BAZ2B: variants seen among roughly 807,000 people sequenced by gnomAD.
BAZ2B encodes bromodomain adjacent to zinc finger domain 2B.
A neutral mutation model predicts 246.0 loss-of-function variants in BAZ2B; 91 were observed. That is an observed-to-expected ratio of 0.37 (90% confidence interval 0.31 to 0.44). The LOEUF (loss-of-function observed/expected upper bound fraction) is 0.44. Among genes scored for constraint, BAZ2B ranks in the 20% least tolerant of loss-of-function variants. The probability of loss-of-function intolerance (pLI) is 1.00; values close to 1 mark genes in which losing one functional copy is unlikely to be tolerated. For missense variants in BAZ2B, 2,332 were observed against 2,533.7 expected (o/e 0.92, Z 1.71); for synonymous variants, 855 against 860.0 (o/e 0.99, Z 0.10).
chr2:159,486,023 G>A (rs1008495079), intron 2 of BAZ2B, among the ~76,000 whole-genome samples: 7 of 151,836 alleles, frequency 4.6e-5, no homozygotes, highest in East Asian at 3.9e-4. Context: ...GCTATCTGTG[G>A]GGAAGACGTT....
At chr2:159,435,821 G>C (rs2072175719) in intron 8 of BAZ2B, among the ~76,000 whole-genome samples, 1 of 152,108 alleles carries the variant, frequency 6.6e-6, no homozygotes, top group African/African-American at 2.4e-5. Flanking sequence ...TAAAGCAGCA[G>C]TACTAACAAG....
At chr2:159,356,007 G>A (rs77786767) in intron 27 of BAZ2B, among the ~76,000 whole-genome samples, 3,636 of 152,298 alleles carry the variant, frequency 0.024, 150 homozygotes, top group African/African-American at 0.082. Flanking sequence ...CCAGGAGATT[G>A]CCTCCGGTGC....
intron 24 of BAZ2B, 31 bp downstream of exon 24, chr2:159,383,575 A>G (rs2062261852): frequency 6.5e-7 from 1 of 1,548,212 alleles, no homozygotes; most frequent in Non-Finnish European, 8.9e-7. Context: ...AAAAGAAAAC[A>G]GTACATTAAC....
At chr2:159,412,933 C>T (rs1306097663) in intron 13 of BAZ2B, among the ~76,000 whole-genome samples, 1 of 152,116 alleles carries the variant, frequency 6.6e-6, no homozygotes, top group Non-Finnish European at 1.5e-5. Context: ...AAACACTAAG[C>T]TACCCAAATA....
At chr2:159,598,271 C>A (rs887120475) in intron 1 of BAZ2B, among the ~76,000 whole-genome samples, 1 of 152,036 alleles carries the variant, frequency 6.6e-6, no homozygotes, top group Non-Finnish European at 1.5e-5. Context: ...GGACTACAGG[C>A]GTGAGCCACT....
the BAZ2B span, among the ~76,000 whole-genome samples, chr2:159,692,155 A>T: frequency 2.0e-5 from 3 of 150,238 alleles, no homozygotes; most frequent in African/African-American, 7.3e-5. Flanking sequence ...ACTTTTTCTT[A>T]ATTTTTTTTT....
In BAZ2B at chr2:159,320,021, G is replaced by T; in HGVS notation, c.*244C>A. 1 of 314,808 alleles carries T rather than the reference G, an allele frequency of 3.2e-6. No homozygotes were observed. The highest frequency in any genetic ancestry group is 5.6e-5 in the East Asian group (1 of 17,854). 19.5% of individuals were successfully genotyped at this position (314,808 alleles called of 1,614,324 possible). On this transcript the variant is annotated 3_prime_UTR_variant, in exon 37 of 37. Transcript: ENST00000392783. ...ACACCCTTTCCTTTGAAAATTCTTT[G>T]GGTGTGCTTCCCTGTTCTACCTAAA... is the stretch of plus-strand genomic sequence containing the variant.
chr2:159,327,413 C>A (rs113889779), intron 34 of BAZ2B, among the ~76,000 whole-genome samples: 1 of 152,116 alleles, frequency 6.6e-6, no homozygotes, highest in Admixed American at 6.5e-5. Context: ...ATAAGGCAAA[C>A]CATAAATCCA....
rs1487306843 is a variant in BAZ2B at position 159,320,382 on chromosome 2, C to T, written c.6390G>A (p.Arg2130=). The part of the protein sequence containing the change: ...PNLETFALDV[R]LVFDNCETFN... ...ATGTTTCACAGTTGTCAAAAACAAG[C>T]CTGACATCTAGAGCAAAGGTTTCAA... The change falls in exon 37 of 37, where the codon AGG becomes AGA. Residue 2130 remains arginine (R), a synonymous_variant. Coordinates refer to ENST00000392783, the MANE Select transcript of BAZ2B (RefSeq NM_013450.4). The T allele has an allele frequency of 1.3e-6, 2 of 1,578,518 alleles. No individual in the cohort carries two copies. The highest frequency in any genetic ancestry group is 1.4e-5 in the African/African-American group (1 of 72,196).
intron 27 of BAZ2B, among the ~76,000 whole-genome samples, chr2:159,362,658 C>G (rs1322291946): frequency 6.6e-6 from 1 of 152,182 alleles, no homozygotes; most frequent in Non-Finnish European, 1.5e-5. Context: ...AAGAGGAGAA[C>G]CCATGGGTCA....
chr2:159,439,092 C>T lies in BAZ2B; in HGVS notation c.817G>A (p.Glu273Lys), dbSNP rs761279980. 2.5e-6 allele frequency: 4 copies of T among 1,613,904 alleles called. No homozygotes were observed. Among genetic ancestry groups the T allele is most frequent in the Non-Finnish European group, 3.4e-6 (4 of 1,179,944 alleles). Reference protein sequence around the residue: ...SDSDDLEEDEEEEDQSIEESE... With the variant: ...SDSDDLEEDEKEEDQSIEESE... ...TCTTCAATACTTTGATCTTCTTCTTCTTCATCTTCTTCTAGATCATCTGAA... is the reference window on the plus strand; with the variant it reads ...TCTTCAATACTTTGATCTTCTTCTTTTTCATCTTCTTCTAGATCATCTGAA... The change falls in exon 7 of 37, where the codon GAA becomes AAA. Residue 273 changes from glutamate to lysine, a missense_variant. Physicochemically the swap from Glu to Lys is moderately conservative, Grantham distance 56 (BLOSUM62 1). This residue lies in a region of BAZ2B where 161 missense variants were observed against 225.8 expected (regional missense o/e 0.71). Coordinates refer to ENST00000392783, the MANE Select transcript of BAZ2B (RefSeq NM_013450.4).
At position 159,451,975 on chromosome 2, in the gene BAZ2B, G is replaced by T. The variant is rs146206530; in HGVS notation, c.334+1638C>A. Reference sequence around the variant, plus strand: ...TATCTATATTGTTTTTATCTATTTTGATATTTATTCAGCAATCTTGTATTT... The same window carrying T: ...TATCTATATTGTTTTTATCTATTTTTATATTTATTCAGCAATCTTGTATTT... On this transcript the variant is annotated intron_variant, in intron 4 of 36. Transcript: ENST00000392783. 8.7e-4 allele frequency among the ~76,000 whole-genome samples: 132 copies of T among 152,134 alleles called. 1 individual carries two copies. The highest frequency in any genetic ancestry group is 3.0e-3 in the Admixed American group (46 of 15,286).
At chr2:159,709,531 T>C in the BAZ2B span, among the ~76,000 whole-genome samples, 8 of 152,356 alleles carry the variant, frequency 5.3e-5, no homozygotes, top group Admixed American at 3.3e-4. Context: ...TCATTACACA[T>C]TCTATGTATG....
intron 2 of BAZ2B, among the ~76,000 whole-genome samples, chr2:159,479,968 A>G (rs1025613133): frequency 6.6e-6 from 1 of 152,130 alleles, no homozygotes; most frequent in East Asian, 1.9e-4. Flanking sequence ...TCTCTTTATC[A>G]GCATTCATCA....
At chr2:159,514,474 T>C (rs1223474897) in intron 2 of BAZ2B, among the ~76,000 whole-genome samples, 1 of 152,172 alleles carries the variant, frequency 6.6e-6, no homozygotes, top group Non-Finnish European at 1.5e-5. Context: ...TGTAATTCCT[T>C]AAAGTGCCTG....
chr2:159,593,062 C>G (rs920092600), intron 1 of BAZ2B, among the ~76,000 whole-genome samples: 9 of 152,268 alleles, frequency 5.9e-5, no homozygotes, highest in Non-Finnish European at 1.3e-4. Flanking sequence ...AATGGGCTTA[C>G]TCTACTGCTA....
chr2:159,621,799 AC>A, the BAZ2B span, among the ~76,000 whole-genome samples: 5 of 151,722 alleles, frequency 3.3e-5, no homozygotes, highest in East Asian at 9.8e-4. Context: ...TCCTGTCTCT[AC>A]AAAAAAAATT....
At chr2:159,695,447 T>C in the BAZ2B span, 3 of 152,048 alleles carry the variant, frequency 2.0e-5, no homozygotes, top group Non-Finnish European at 4.4e-5. Flanking sequence ...CTAGTAAGTC[T>C]GAGGTCAAGA....
the BAZ2B span, among the ~76,000 whole-genome samples, chr2:159,672,088 A>C: frequency 6.6e-6 from 1 of 152,150 alleles, no homozygotes; most frequent in East Asian, 1.9e-4. Context: ...TAAAGTTTAT[A>C]TTAGGCATTA....
Sources: gnomAD v4.1 joint callset for allele counts (sites outside exome capture counted in the v4.1 genomes callset) on GRCh38, gnomAD v4.1.1 for gene constraint, gnomAD v4.1.1 regional missense constraint, MANE v1.5 for transcripts, NCBI Gene and HGNC (gene_info 2026-07-23, HGNC 2026-07-21) for gene names.